The following GSTA4 variants were observed in gnomAD, a reference collection of about 807,000 sequenced individuals.
The protein encoded by GSTA4 is glutathione S-transferase alpha 4.
A neutral mutation model predicts 24.4 loss-of-function variants in GSTA4; 15 were observed. The ratio of observed to expected loss-of-function variants is 0.61; its 90% CI spans 0.41 to 0.95. GSTA4 has a LOEUF of 0.95. GSTA4 is among the 40% of genes least tolerant of loss of function. The probability of loss-of-function intolerance (pLI) is 0.00; values close to 1 mark genes in which losing one functional copy is unlikely to be tolerated. For synonymous variants in GSTA4, 92 were observed against 94.2 expected (o/e 0.98, Z 0.13); for missense variants, 244 against 262.1 (o/e 0.93, Z 0.48).
intron 2 of GSTA4, among the ~76,000 whole-genome samples, chr6:52,992,405 C>T (rs1763676969): frequency 6.6e-6 from 1 of 152,186 alleles, no homozygotes. Context: ...GCTTAATTCT[C>T]ATCATTTTGA....
At chr6:52,986,435 G>A (rs940560145) in intron 3 of GSTA4, among the ~76,000 whole-genome samples, 1 of 152,148 alleles carries the variant, frequency 6.6e-6, no homozygotes, top group Non-Finnish European at 1.5e-5. Context: ...TGAGACTCAT[G>A]TATACTCTTT....
chr6:52,979,883 T>A (rs868660387), intron 6 of GSTA4, among the ~76,000 whole-genome samples: 1 of 152,248 alleles, frequency 6.6e-6, no homozygotes, highest in African/African-American at 2.4e-5. Context: ...AAATTTAGAA[T>A]CTTGTTCCAA....
At chr6:52,989,838 G>A (rs1396613339) in intron 2 of GSTA4, among the ~76,000 whole-genome samples, 1 of 152,140 alleles carries the variant, frequency 6.6e-6, no homozygotes, top group African/African-American at 2.4e-5. Context: ...CATCATATTA[G>A]TTAACAGAAA....
chr6:52,988,832 T>C (rs931545275), intron 2 of GSTA4, among the ~76,000 whole-genome samples: 2 of 152,170 alleles, frequency 1.3e-5, no homozygotes, highest in African/African-American at 4.8e-5. Flanking sequence ...GTGACAATGG[T>C]ATTGTGGTTA....
At chr6:52,993,614 G>A (rs1763704860) in intron 2 of GSTA4, among the ~76,000 whole-genome samples, 1 of 152,240 alleles carries the variant, frequency 6.6e-6, no homozygotes, top group Non-Finnish European at 1.5e-5. Flanking sequence ...AGGGAAGGGA[G>A]GTGATAGATG....
chr6:52,978,360 C>A lies in GSTA4; in HGVS notation c.*110G>T. On this transcript the variant is annotated 3_prime_UTR_variant, in exon 7 of 7. Transcript: ENST00000370963. ...TGACACAAAAGACCCAACTTAGGAC[C>A]CAACTTAATACATAGATAGCACCAT... The A allele has an allele frequency of 1.8e-6, 2 of 1,104,696 alleles. No homozygotes were observed. The highest frequency in any genetic ancestry group is 2.6e-6 in the Non-Finnish European group (2 of 762,658). 68.4% of individuals were successfully genotyped at this position (1,104,696 alleles called of 1,614,324 possible). A position where few individuals can be genotyped will look rare whatever the true frequency, so the allele number is the denominator to read the frequency against.
chr6:52,979,798 TATATATAA>T (rs2127382821), intron 6 of GSTA4, among the ~76,000 whole-genome samples: 1 of 152,338 alleles, frequency 6.6e-6, no homozygotes, highest in South Asian at 2.1e-4. Context: ...GCCAATTAAT[TATATATAA>T]ATATGACAAT....
Position 52,978,528 on chromosome 6 carries a change from T to C in GSTA4, c.611A>G (p.Lys204Arg). 6.2e-7 allele frequency: 1 copy of C among 1,612,840 alleles called. No homozygotes were observed. The highest frequency in any genetic ancestry group is 8.5e-7 in the Non-Finnish European group (1 of 1,178,902). Residue 204 changes from lysine (K) to arginine (R), a missense_variant, in exon 7 of 7, where the codon AAG (lysine) becomes AGG (arginine). Coordinates refer to ENST00000370963, the MANE Select transcript of GSTA4 (RefSeq NM_001512.4). The part of the protein sequence containing the change: ...IKRFLEPGSK[K>R]KPPPDEIYVR... ...ATAAATTTCATCAGGGGGAGGCTTC[T>C]TCTTGCTGCCAGGTTCAAGGAATCT...
intron 3 of GSTA4, among the ~76,000 whole-genome samples, chr6:52,986,566 T>G (rs1763561722): frequency 1.3e-5 from 2 of 152,242 alleles, no homozygotes; most frequent in African/African-American, 4.8e-5. Context: ...ATCCAACACT[T>G]TCCACATACC....
intron 6 of GSTA4, among the ~76,000 whole-genome samples, chr6:52,979,781 T>C (rs1763414613): frequency 6.6e-6 from 1 of 152,166 alleles, no homozygotes; most frequent in Admixed American, 6.5e-5. Context: ...AAAACCCTAA[T>C]AATGATGCCA....
chr6:52,978,861 A>G (rs1581905782), intron 6 of GSTA4, among the ~76,000 whole-genome samples: 1 of 152,268 alleles, frequency 6.6e-6, no homozygotes, highest in South Asian at 2.1e-4. Context: ...AAAGTTTATG[A>G]ATTTATGTTA....
intron 3 of GSTA4, among the ~76,000 whole-genome samples, chr6:52,986,697 C>T (rs1390797169): frequency 6.6e-6 from 1 of 152,144 alleles, no homozygotes; most frequent in Non-Finnish European, 1.5e-5. Flanking sequence ...TTCCAGCCAC[C>T]GTCACACACA....
intron 3 of GSTA4, among the ~76,000 whole-genome samples, chr6:52,986,933 G>A (rs1049862771): frequency 6.6e-6 from 1 of 152,176 alleles, no homozygotes; most frequent in Non-Finnish European, 1.5e-5. Context: ...TCACTTCTGT[G>A]TAGTATTTAC....
intron 2 of GSTA4, among the ~76,000 whole-genome samples, chr6:52,991,920 C>G (rs1763669446): frequency 6.6e-6 from 1 of 152,086 alleles, no homozygotes; most frequent in Admixed American, 6.5e-5. Flanking sequence ...CCACACCCAG[C>G]TAATTTTTGT....
rs1484307916 is a variant in GSTA4 at position 52,978,491 on chromosome 6, G to A, written c.648C>T (p.Val216=). ...PPPDEIYVRT[V]YNIFRP is the part of the protein sequence containing the mutation. ...TGTTTTATGGCCTAAAGATGTTGTA[G>A]ACGGTTCTCACATAAATTTCATCAG... Residue 216 remains valine, a synonymous_variant, in exon 7 of 7, where the codon GTC becomes GTT. Transcript: ENST00000370963. The A allele has an allele frequency of 5.0e-6, 8 of 1,613,698 alleles. No homozygotes were observed. Among genetic ancestry groups the A allele is most frequent in the Non-Finnish European group, 6.8e-6 (8 of 1,179,784 alleles).
Position 52,984,534 on chromosome 6 carries a change from T to C in GSTA4, c.344A>G (p.Asp115Gly), listed in dbSNP as rs541456218. The change falls in exon 5 of 7, where the codon GAT (aspartate) becomes GGT (glycine). Residue 115 changes from aspartate to glycine, a missense_variant. Coordinates refer to ENST00000370963, the MANE Select transcript of GSTA4 (RefSeq NM_001512.4). ...GTTAACCACTTCCTTTTGCTGATCA[T>C]CTGGTTTTAAGAAAGGATGCATGAT... ...LLIMHPFLKPDDQQKEVVNMA... is the reference protein window; with the variant it reads ...LLIMHPFLKPGDQQKEVVNMA... The C allele has an allele frequency of 1.2e-6, 2 of 1,613,484 alleles. No homozygotes were observed. The highest frequency in any genetic ancestry group is 2.2e-5 in the South Asian group (2 of 91,066).
chr6:52,979,448 G>A (rs1293867022), intron 6 of GSTA4, among the ~76,000 whole-genome samples: 2 of 152,074 alleles, frequency 1.3e-5, no homozygotes, highest in Admixed American at 1.3e-4. Context: ...ATAGCCTCTG[G>A]CTCAGATACC....
At chr6:52,993,872 A>G (rs1050194904) in intron 2 of GSTA4, 7 of 463,024 alleles carry the variant, frequency 1.5e-5, no homozygotes, top group African/African-American at 7.9e-5. Context: ...GCTCAGAGTA[A>G]CTGACAATTT....
intron 2 of GSTA4, among the ~76,000 whole-genome samples, chr6:52,993,759 A>G (rs945615103): frequency 1.8e-4 from 27 of 152,228 alleles, no homozygotes; most frequent in Non-Finnish European, 1.5e-5. Flanking sequence ...GAACGAAAAC[A>G]AAAACAGACA....
Sources: gnomAD v4.1 joint callset for allele counts (sites outside exome capture counted in the v4.1 genomes callset) on GRCh38, gnomAD v4.1.1 for gene constraint, MANE v1.5 for transcripts, NCBI Gene and HGNC (gene_info 2026-07-23, HGNC 2026-07-21) for gene names.